ADGRL3: variants seen among roughly 807,000 people sequenced by gnomAD.
ADGRL3 encodes calcium-independent alpha-latrotoxin receptor 3.
A neutral mutation model predicts 153.5 loss-of-function variants in ADGRL3; 62 were observed. That is an observed-to-expected ratio of 0.40 (90% CI 0.33 to 0.50). The LOEUF is 0.50. ADGRL3 is among the 20% of genes least tolerant of loss of function. ADGRL3 has a pLI of 0.47. For synonymous variants in ADGRL3, 710 were observed against 672.5 expected (o/e 1.06, Z -0.86); for missense variants, 1,641 against 1,859.4 (o/e 0.88, Z 2.16).
chr4:62,039,187 T>C, intron 24 of ADGRL3, among the ~76,000 whole-genome samples: 1 of 152,272 alleles, frequency 6.6e-6, no homozygotes. Flanking sequence ...ATTTCATTTA[T>C]ATGCTTAGAA....
At position 61,300,822 on chromosome 4, in the gene ADGRL3, G is replaced by T. The variant is rs542742252; in HGVS notation, c.-239-82302G>T. 9.5e-5 allele frequency among the ~76,000 whole-genome samples: 14 copies of T among 146,874 alleles called. No homozygotes were observed. In the South Asian group the frequency reaches 2.3e-3, roughly 25 times the overall value. ...GCTCTGGCACCCAGGCTGGAGTGCAGTGGCGTGATCTCAGCTCACTGCAGG... is the reference window on the plus strand; with the variant it reads ...GCTCTGGCACCCAGGCTGGAGTGCATTGGCGTGATCTCAGCTCACTGCAGG... On this transcript the variant is annotated intron_variant, in intron 1 of 26. Coordinates refer to ENST00000683033, the MANE Select transcript of ADGRL3 (RefSeq NM_001387552.1).
At chr4:61,802,065 C>T (rs1193768109) in intron 8 of ADGRL3, among the ~76,000 whole-genome samples, 1 of 152,054 alleles carries the variant, frequency 6.6e-6, no homozygotes, top group African/African-American at 2.4e-5. Context: ...CATATGCTAG[C>T]CCTCTGAATA....
intron 8 of ADGRL3, among the ~76,000 whole-genome samples, chr4:61,806,434 G>T (rs1204960948): frequency 6.6e-6 from 1 of 151,320 alleles, no homozygotes; most frequent in Non-Finnish European, 1.5e-5. Context: ...AAATTATATT[G>T]CACATACTTG....
chr4:61,909,835 A>C, intron 12 of ADGRL3, 90 bp downstream of exon 12: 1 of 1,008,134 alleles, frequency 9.9e-7, no homozygotes, highest in Non-Finnish European at 1.4e-6. Flanking sequence ...GAAAGACTTC[A>C]CTGCTTAATT....
chr4:61,692,998 ATTACT>A (rs1003400372), intron 6 of ADGRL3, among the ~76,000 whole-genome samples: 48 of 151,998 alleles, frequency 3.2e-4, no homozygotes, highest in African/African-American at 1.1e-3. Flanking sequence ...AAGTAACCAA[ATTACT>A]TTGATTTGTT....
At chr4:61,627,181 C>T (rs1485193000) in intron 5 of ADGRL3, among the ~76,000 whole-genome samples, 1 of 151,986 alleles carries the variant, frequency 6.6e-6, no homozygotes, top group Non-Finnish European at 1.5e-5. Context: ...AATTTTGAAC[C>T]TTTACTTGAT....
intron 24 of ADGRL3, among the ~76,000 whole-genome samples, chr4:62,043,606 G>C (rs1183155377): frequency 6.6e-6 from 1 of 152,024 alleles, no homozygotes; most frequent in Non-Finnish European, 1.5e-5. Flanking sequence ...TTCATAAGTA[G>C]TAGCAATGTT....
At chr4:61,580,926 C>A (rs925482881) in intron 4 of ADGRL3, among the ~76,000 whole-genome samples, 1 of 152,008 alleles carries the variant, frequency 6.6e-6, no homozygotes, top group Non-Finnish European at 1.5e-5. Context: ...TCACTCAGTA[C>A]ATCCACATTC....
chr4:61,303,024 C>T (rs1311513738), intron 1 of ADGRL3, among the ~76,000 whole-genome samples: 1 of 152,100 alleles, frequency 6.6e-6, no homozygotes, highest in African/African-American at 2.4e-5. Flanking sequence ...CGACAGTATA[C>T]TATTAAATAT....
At position 61,517,470 on chromosome 4, in the gene ADGRL3, A is replaced by G; in HGVS notation, c.211A>G (p.Arg71Gly). The change falls in exon 4 of 27, where the codon AGA (arginine) becomes GGA (glycine). Residue 71 changes from arginine (R) to glycine (G), a missense_variant. Transcript: ENST00000683033. ...TGGACAAGGGCCCCGTGGAGCTACC[A>G]GAGGAGTTCGCGGTCCAGGTGCCCA... Reference protein sequence around the residue: ...HRGQGPRGATRGVRGPGAQGA... With the variant: ...HRGQGPRGATGGVRGPGAQGA... 1 of 767,762 alleles carries G rather than the reference A, an allele frequency of 1.3e-6. No individual in the cohort carries two copies. Among genetic ancestry groups the G allele is most frequent in the Non-Finnish European group, 2.2e-6 (1 of 444,508 alleles). 47.6% of individuals were successfully genotyped at this position (767,762 alleles called of 1,614,324 possible). A position where few individuals can be genotyped will look rare whatever the true frequency, so the allele number is the denominator to read the frequency against.
intron 2 of ADGRL3, among the ~76,000 whole-genome samples, chr4:61,446,436 G>T (rs2097583211): frequency 1.3e-5 from 2 of 152,140 alleles, no homozygotes; most frequent in African/African-American, 4.8e-5. Flanking sequence ...TTTGAGCAAT[G>T]TCATATGTTT....
chr4:61,811,359 G>C (rs2097617203), intron 8 of ADGRL3, among the ~76,000 whole-genome samples: 1 of 151,824 alleles, frequency 6.6e-6, no homozygotes, highest in South Asian at 2.1e-4. Context: ...ATTATGTTGA[G>C]TAAAAGAAGC....
At chr4:61,826,664 A>G (rs956573930) in intron 9 of ADGRL3, among the ~76,000 whole-genome samples, 2 of 152,078 alleles carry the variant, frequency 1.3e-5, no homozygotes, top group Admixed American at 6.6e-5. Context: ...ACTACATACT[A>G]TGGTTTCAAT....
intron 4 of ADGRL3, among the ~76,000 whole-genome samples, chr4:61,527,186 A>G (rs147873108): frequency 0.014 from 2,192 of 152,136 alleles, 53 homozygotes; most frequent in African/African-American, 0.05. Context: ...CTTCTTATAA[A>G]TGTATTTCCA....
At chr4:61,861,424 G>A (rs1311974203) in intron 9 of ADGRL3, among the ~76,000 whole-genome samples, 1 of 152,066 alleles carries the variant, frequency 6.6e-6, no homozygotes, top group African/African-American at 2.4e-5. Flanking sequence ...ATTGAATCAA[G>A]GAATTAATGG....
chr4:61,246,985 C>T (rs1057127255), intron 1 of ADGRL3, among the ~76,000 whole-genome samples: 2 of 151,894 alleles, frequency 1.3e-5, no homozygotes, highest in African/African-American at 4.8e-5. Context: ...TGAATGCTAC[C>T]ACTTATGGAT....
chr4:61,818,699 G>T (rs760543152), intron 9 of ADGRL3, among the ~76,000 whole-genome samples: 1 of 151,956 alleles, frequency 6.6e-6, no homozygotes, highest in Non-Finnish European at 1.5e-5. Flanking sequence ...ACCTCAAATT[G>T]TGCTCTCTAC....
At chr4:61,379,091 ACTAT>A (rs540081248) in intron 1 of ADGRL3, among the ~76,000 whole-genome samples, 245 of 152,134 alleles carry the variant, frequency 1.6e-3, no homozygotes, top group African/African-American at 5.4e-3. Flanking sequence ...CAATCTGAAC[ACTAT>A]CTAGAGAGAG....
At chr4:61,786,797 G>A (rs998040557) in intron 8 of ADGRL3, among the ~76,000 whole-genome samples, 15 of 151,786 alleles carry the variant, frequency 9.9e-5, no homozygotes, top group Admixed American at 9.9e-4. Context: ...ACATATCTAG[G>A]CACACAGCTA....
Sources: gnomAD v4.1 joint callset for allele counts (sites outside exome capture counted in the v4.1 genomes callset) on GRCh38, gnomAD v4.1.1 for gene constraint, MANE v1.5 for transcripts, NCBI Gene and HGNC (gene_info 2026-07-23, HGNC 2026-07-21) for gene names.